The following BIN3 variants were observed in gnomAD, a reference collection of about 807,000 sequenced individuals.
BIN3 encodes bridging integrator 3.
Under a neutral mutation model 38.2 loss-of-function variants are expected in BIN3, and 41 were observed. The ratio of observed to expected loss-of-function variants is 1.07; its 90% confidence interval spans 0.84 to 1.39. BIN3 has a LOEUF of 1.39. Among genes scored for constraint, BIN3 ranks in the 40% most tolerant of loss-of-function variants. The probability of loss-of-function intolerance (pLI) is 0.00; values close to 1 mark genes in which losing one functional copy is unlikely to be tolerated. For missense variants in BIN3, 361 were observed against 324.3 expected (o/e 1.11, Z -0.87); for synonymous variants, 145 against 122.6 (o/e 1.18, Z -1.21).
At chr8:22,627,444 G>A (rs1802037961) in intron 6 of BIN3, among the ~76,000 whole-genome samples, 2 of 152,170 alleles carry the variant, frequency 1.3e-5, no homozygotes, top group Admixed American at 1.3e-4. Context: ...GATGTGCCAC[G>A]GTGCTGTGTG....
chr8:22,655,344 C>T (rs776499760), intron 1 of BIN3, among the ~76,000 whole-genome samples: 3 of 152,102 alleles, frequency 2.0e-5, no homozygotes, highest in Non-Finnish European at 1.5e-5. Context: ...ATGTAAGAAT[C>T]CTTTGACAAA....
chr8:22,625,036 G>T, intron 6 of BIN3: 2 of 397,314 alleles, frequency 5.0e-6, no homozygotes, highest in South Asian at 1.4e-4. Flanking sequence ...GAAATCCTCT[G>T]GCTCTGCCAT....
At chr8:22,631,628 C>T (rs979321109) in intron 4 of BIN3, among the ~76,000 whole-genome samples, 1 of 152,166 alleles carries the variant, frequency 6.6e-6, no homozygotes, top group Non-Finnish European at 1.5e-5. Context: ...CTGTTCACTG[C>T]TCTCCTTCTG....
intron 6 of BIN3, chr8:22,625,850 A>C (rs566666913): frequency 3.7e-5 from 6 of 162,572 alleles, no homozygotes; most frequent in African/African-American, 1.4e-4. Context: ...AGCCTCCCAA[A>C]GTGCTGGGAT....
chr8:22,654,827 T>C (rs933599789), intron 1 of BIN3, among the ~76,000 whole-genome samples: 5 of 152,250 alleles, frequency 3.3e-5, no homozygotes, highest in Middle Eastern at 3.2e-3. Context: ...ATGTTACTTC[T>C]CTTGGGCATA....
intron 1 of BIN3, among the ~76,000 whole-genome samples, chr8:22,656,502 G>A (rs1318438495): frequency 6.6e-6 from 1 of 152,186 alleles, no homozygotes; most frequent in Non-Finnish European, 1.5e-5. Flanking sequence ...TTTCCAGGTA[G>A]ACAGTCTTAG....
intron 1 of BIN3, among the ~76,000 whole-genome samples, chr8:22,657,101 G>A (rs567731060): frequency 1.3e-5 from 2 of 152,162 alleles, no homozygotes; most frequent in East Asian, 3.8e-4. Context: ...TAGGTTCTAG[G>A]GATATCAGGA....
chr8:22,652,890 T>C (rs1293874470), intron 1 of BIN3, among the ~76,000 whole-genome samples: 2 of 152,230 alleles, frequency 1.3e-5, no homozygotes, highest in African/African-American at 4.8e-5. Context: ...GCAGAGTTGG[T>C]AGCATCATTT....
chr8:22,645,498 AG>A (rs1220015707), intron 1 of BIN3, among the ~76,000 whole-genome samples: 1 of 150,602 alleles, frequency 6.6e-6, no homozygotes, highest in Non-Finnish European at 1.5e-5. Context: ...AGATAAAGGA[AG>A]GGAACAGAAG....
At chr8:22,639,732 A>G (rs1439196892) in intron 2 of BIN3, among the ~76,000 whole-genome samples, 1 of 152,228 alleles carries the variant, frequency 6.6e-6, no homozygotes, top group East Asian at 1.9e-4. Flanking sequence ...AGGCTGGGCT[A>G]TAAACCTGGG....
At chr8:22,638,201 A>T (rs951061816) in intron 2 of BIN3, among the ~76,000 whole-genome samples, 1 of 152,244 alleles carries the variant, frequency 6.6e-6, no homozygotes, top group Non-Finnish European at 1.5e-5. Context: ...ACTGTCTTCC[A>T]GCAACGCTGA....
At chr8:22,665,065 G>A (rs564314459) in intron 1 of BIN3, among the ~76,000 whole-genome samples, 6 of 152,326 alleles carry the variant, frequency 3.9e-5, no homozygotes, top group East Asian at 1.9e-4. Context: ...GGAGGTGTAC[G>A]TCTGTGATAC....
At chr8:22,656,534 T>C (rs1331231262) in intron 1 of BIN3, among the ~76,000 whole-genome samples, 2 of 152,206 alleles carry the variant, frequency 1.3e-5, no homozygotes, top group Non-Finnish European at 2.9e-5. Flanking sequence ...ATGATAAAAT[T>C]CATCTTTTTC....
chr8:22,621,484 C>G lies in BIN3; in HGVS notation c.700G>C (p.Glu234Gln). 1.2e-6 allele frequency: 2 copies of G among 1,613,954 alleles called. No homozygotes were observed. The highest frequency in any genetic ancestry group is 1.7e-6 in the Non-Finnish European group (2 of 1,179,890). ...DQPGHSDEQR[E>Q]RENEAKLSEL... ...CTGAGTTTGGCCTCGTTCTCCCGCT[C>G]CCGCTGCTCATCGGAGTGGCCTGGC... The change falls in exon 9 of 9, where the codon GAG becomes CAG. Residue 234 changes from glutamate (E) to glutamine (Q), a missense_variant. By Grantham distance (29) the Glu-to-Gln change is conservative. Coordinates refer to ENST00000276416, the MANE Select transcript of BIN3 (RefSeq NM_018688.6).
intron 1 of BIN3, among the ~76,000 whole-genome samples, chr8:22,648,340 C>G (rs1802777319): frequency 6.6e-6 from 1 of 152,054 alleles, no homozygotes; most frequent in South Asian, 2.1e-4. Context: ...TTCCAGCATC[C>G]CACCCAGGTC....
intron 4 of BIN3, among the ~76,000 whole-genome samples, chr8:22,633,514 T>G (rs944606980): frequency 6.6e-6 from 1 of 152,214 alleles, no homozygotes; most frequent in Admixed American, 6.5e-5. Context: ...GCCTCTGGAA[T>G]GTAAGATTCA....
intron 2 of BIN3, among the ~76,000 whole-genome samples, chr8:22,642,152 G>GA (rs1802583454): frequency 6.6e-6 from 1 of 152,158 alleles, no homozygotes; most frequent in Admixed American, 6.5e-5. Context: ...GAAACTCCCT[G>GA]AAGATAACGT....
In BIN3 at chr8:22,643,585, G is replaced by A. The variant is rs141949568; in HGVS notation, c.57+1170C>T. On this transcript the variant is annotated intron_variant, in intron 2 of 8. Coordinates refer to ENST00000276416, the MANE Select transcript of BIN3 (RefSeq NM_018688.6). ...TGGCCTTCCAAAGTGTTGGATTACA[G>A]GCGTAAGCCACTGGACCCTGTGAGG... Among the ~76,000 whole-genome samples the A allele has an allele frequency of 2.6e-5, 4 of 152,346 alleles. No individual in the cohort carries two copies. In the East Asian group the frequency reaches 7.7e-4, roughly 29 times the overall value.
intron 1 of BIN3, among the ~76,000 whole-genome samples, chr8:22,646,089 T>C (rs1245248697): frequency 6.6e-6 from 1 of 152,136 alleles, no homozygotes; most frequent in East Asian, 1.9e-4. Flanking sequence ...GCACTGGGAC[T>C]CCATTTCCTG....
Sources: allele counts gnomAD v4.1 joint callset (sites outside exome capture counted in the v4.1 genomes callset), GRCh38; gene constraint gnomAD v4.1.1; transcripts MANE v1.5; gene names NCBI Gene and HGNC (gene_info 2026-07-23, HGNC 2026-07-21).